The following PRCD variants were observed in gnomAD, a reference collection of about 807,000 sequenced individuals.
PRCD encodes the protein photoreceptor disc component.
Under a neutral mutation model 10.1 loss-of-function variants are expected in PRCD, and 12 were observed. That is an observed-to-expected ratio of 1.18 (90% CI 0.76 to 1.92). The LOEUF is 1.92. Ranked by LOEUF, PRCD falls within the 40% of genes most tolerant of loss-of-function variation. The probability of loss-of-function intolerance (pLI) is 0.00; values close to 1 mark genes in which losing one functional copy is unlikely to be tolerated. For synonymous variants in PRCD, 31 were observed against 26.2 expected (o/e 1.18, Z -0.56); for missense variants, 61 against 72.2 (o/e 0.84, Z 0.56).
intron 2 of PRCD, among the ~76,000 whole-genome samples, chr17:76,541,881 A>G (rs1199173440): frequency 2.6e-5 from 4 of 152,210 alleles, no homozygotes; most frequent in African/African-American, 7.2e-5. Flanking sequence ...ACTAGGATTA[A>G]TAACAGTGGT....
At position 76,544,670 on chromosome 17, in the gene PRCD, G is replaced by GT. The variant is rs757660722; in HGVS notation, c.*1021dup. The GT allele has an allele frequency of 2.2e-6, 1 of 456,774 alleles. No individual in the cohort carries two copies. Among genetic ancestry groups the GT allele is most frequent in the Non-Finnish European group, 4.4e-6 (1 of 226,978 alleles). 28.3% of individuals were successfully genotyped at this position (456,774 alleles called of 1,614,324 possible). A position where few individuals can be genotyped will look rare whatever the true frequency, so the allele number is the denominator to read the frequency against. On this transcript the variant is annotated 3_prime_UTR_variant, in exon 5 of 5. Coordinates refer to ENST00000592014, the MANE Select transcript of PRCD (RefSeq NM_001077620.3). ...CTCTTTGGAGGCATCGGCCTTCCTG[G>GT]TGACAGGCCTGTCAGGCTGAGGGCC... is the stretch of plus-strand genomic sequence containing the variant.
intron 2 of PRCD, among the ~76,000 whole-genome samples, chr17:76,541,380 C>T (rs1043718237): frequency 6.6e-6 from 1 of 152,166 alleles, no homozygotes; most frequent in Non-Finnish European, 1.5e-5. Context: ...TGGGTCAGGG[C>T]GCACTGGCAG....
downstream of PRCD, among the ~76,000 whole-genome samples, chr17:76,547,673 A>T (rs1461633232): frequency 6.6e-6 from 1 of 151,832 alleles, no homozygotes; most frequent in Non-Finnish European, 1.5e-5. Flanking sequence ...ATATTCACAC[A>T]CAGAGACACC....
At position 76,544,755 on chromosome 17, in the gene PRCD, TA is replaced by T. The variant is rs1211740754; in HGVS notation, c.*1106del. ...CCCGATCCTATCTGCATTTATTCTC[TA>T]TTTGCCATGTTCCTGTCACCTCATC... On this transcript the variant is annotated 3_prime_UTR_variant, in exon 5 of 5. Transcript: ENST00000592014. 1 of 456,792 alleles carries T rather than the reference TA, an allele frequency of 2.2e-6. No homozygotes were observed. Among genetic ancestry groups the T allele is most frequent in the South Asian group, 1.5e-5 (1 of 64,576 alleles). 28.3% of individuals were successfully genotyped at this position (456,792 alleles called of 1,614,324 possible). A position where few individuals can be genotyped will look rare whatever the true frequency, so the allele number is the denominator to read the frequency against.
chr17:76,529,049 C>A (rs1476420669), intron 1 of PRCD: 13 of 437,900 alleles, frequency 3.0e-5, no homozygotes, highest in African/African-American at 4.5e-5. Flanking sequence ...ATTGCGCCCC[C>A]CCCCCACCCC....
At chr17:76,535,152 C>T (rs1013426405), upstream of PRCD, among the ~76,000 whole-genome samples, 6 of 152,232 alleles carry the variant, frequency 3.9e-5, no homozygotes, top group Admixed American at 6.5e-5. Flanking sequence ...TCTAAAGCAA[C>T]GCCTCCTCCA....
rs1020225405 is a variant in PRCD, at chr17:76,531,998, C to A, written n.45+4165C>A. 1 of 286,134 alleles carries A rather than the reference C, an allele frequency of 3.5e-6. No individual in the cohort carries two copies. The highest frequency in any genetic ancestry group is 2.1e-5 in the African/African-American group (1 of 47,358). The allele number at this position is 286,134 out of a possible 1,614,324, so 17.7% of individuals were successfully genotyped here. A position where few individuals can be genotyped will look rare whatever the true frequency, so the allele number is the denominator to read the frequency against. On this transcript the variant is annotated intron_variant and non_coding_transcript_variant, in intron 1 of 4. Coordinates refer to the PRCD transcript ENST00000397633. The surrounding 1 kb of genome is among the most constrained non-coding windows in gnomAD (Gnocchi z 7.4). ...AACTCTACACCCCCTTCAAGCCCTG[C>A]TCTAGTCATAGCCGAGAGGGTAAGA...
In PRCD at chr17:76,540,091, G is replaced by C; in HGVS notation, c.-51G>C. On this transcript the variant is annotated 5_prime_UTR_variant, in exon 1 of 5. Coordinates refer to ENST00000592014, the MANE Select transcript of PRCD (RefSeq NM_001077620.3). The surrounding 1 kb of genome is among the most constrained non-coding windows in gnomAD (Gnocchi z 5.0). ...CTGGCTGGGGCCATTTTGGCCCCTC[G>C]CCTGTGGCCTTCTGCAGACTTGGCC... 4.5e-6 allele frequency: 7 copies of C among 1,561,166 alleles called. No individual in the cohort carries two copies. The highest frequency in any genetic ancestry group is 6.1e-6 in the Non-Finnish European group (7 of 1,150,058).
Position 76,545,348 on chromosome 17 carries a change from G to A in PRCD, c.*1698G>A, listed in dbSNP as rs1242067934. 1 of 456,718 alleles carries A rather than the reference G, an allele frequency of 2.2e-6. No individual in the cohort carries two copies. Among genetic ancestry groups the A allele is most frequent in the Non-Finnish European group, 4.4e-6 (1 of 226,974 alleles). The allele number at this position is 456,718 out of a possible 1,614,324, so 28.3% of individuals were successfully genotyped here. ...AGGGCAAGGGTGGACCTTTAAATGG[G>A]GGAATTAAATCCTGACTATGACACT... On this transcript the variant is annotated 3_prime_UTR_variant, in exon 5 of 5. Transcript: ENST00000592014.
At chr17:76,539,235 T>C (rs57881760), upstream of PRCD, among the ~76,000 whole-genome samples, 857 of 152,298 alleles carry the variant, frequency 5.6e-3, 9 homozygotes, top group African/African-American at 0.02. Flanking sequence ...CTTCTCAAAG[T>C]TGGTGTGACC....
rs1194923025 is a variant in PRCD, at chr17:76,528,711, T to A, written n.45+878T>A. 1 of 1,144,910 alleles carries A rather than the reference T, an allele frequency of 8.7e-7. No individual in the cohort carries two copies. Among genetic ancestry groups the A allele is most frequent in the Non-Finnish European group, 1.1e-6 (1 of 894,738 alleles). 70.9% of individuals were successfully genotyped at this position (1,144,910 alleles called of 1,614,324 possible). On this transcript the variant is annotated intron_variant and non_coding_transcript_variant, in intron 1 of 4. Transcript: ENST00000397633. This position sits in a 1 kb window ranked among gnomAD's most constrained non-coding sequence, Gnocchi z 5.8. Reference sequence around the variant, plus strand: ...CCTGGGGCTGGCGAGGCTCACTTCCTGCCAAGAGATCCGGCACAGTGCAGT... The same window carrying A: ...CCTGGGGCTGGCGAGGCTCACTTCCAGCCAAGAGATCCGGCACAGTGCAGT...
At chr17:76,535,976 C>T (rs1203276501), upstream of PRCD, among the ~76,000 whole-genome samples, 3 of 152,162 alleles carry the variant, frequency 2.0e-5, no homozygotes, top group Non-Finnish European at 4.4e-5. Flanking sequence ...TGCTGACACA[C>T]GGCTGACGGC....
intron 1 of PRCD, chr17:76,552,313 G>C (rs1426784151): frequency 1.3e-5 from 2 of 151,740 alleles, no homozygotes; most frequent in African/African-American, 4.8e-5. Flanking sequence ...TCCTGCCTCA[G>C]CCTCCTGAGT....
chr17:76,542,590 G>A lies in PRCD; in HGVS notation c.*16G>A, dbSNP rs765926174. On this transcript the variant is annotated 3_prime_UTR_variant, in exon 3 of 5. Transcript: ENST00000592014. ...TCTGAAGTAAGCCCTCACCTCTGCA[G>A]GTGGGGCTCAGGCCCAGAGACTGGG... 1.7e-5 allele frequency: 27 copies of A among 1,614,060 alleles called. No individual in the cohort carries two copies. The South Asian group carries it at 2.2e-4, about 13-fold the overall frequency.
Position 76,544,237 on chromosome 17 carries a change from C to T in PRCD, c.*587C>T, listed in dbSNP as rs764355852. Reference sequence around the variant, plus strand: ...CACGCGTCTCTCCTCCCCAGCCAGCCCCCCTCCCAGCCCAGCGGCGATGTC... The same window carrying T: ...CACGCGTCTCTCCTCCCCAGCCAGCTCCCCTCCCAGCCCAGCGGCGATGTC... On this transcript the variant is annotated 3_prime_UTR_variant, in exon 5 of 5. Coordinates refer to ENST00000592014, the MANE Select transcript of PRCD (RefSeq NM_001077620.3). 7 of 454,430 alleles carry T rather than the reference C, an allele frequency of 1.5e-5. No individual in the cohort carries two copies. The East Asian group carries it at 4.9e-4, about 32-fold the overall frequency. 28.1% of individuals were successfully genotyped at this position (454,430 alleles called of 1,614,324 possible). A position where few individuals can be genotyped will look rare whatever the true frequency, so the allele number is the denominator to read the frequency against.
chr17:76,527,777 C>G (rs755793489), upstream of PRCD: 7 of 453,932 alleles, frequency 1.5e-5, no homozygotes, highest in Non-Finnish European at 3.1e-5. Flanking sequence ...GCCCCTCCCC[C>G]AGTGCGGTCA....
intron 1 of PRCD, chr17:76,551,472 C>T (rs1014697681): frequency 6.6e-6 from 1 of 152,230 alleles, no homozygotes; most frequent in African/African-American, 2.4e-5. Flanking sequence ...TAATCCACAA[C>T]TCCAACGCCA....
Position 76,531,331 on chromosome 17 carries a change from T to C in PRCD, n.45+3498T>C, listed in dbSNP as rs1396984419. On this transcript the variant is annotated intron_variant and non_coding_transcript_variant, in intron 1 of 4. Transcript: ENST00000397633. The surrounding 1 kb of genome is among the most constrained non-coding windows in gnomAD (Gnocchi z 7.4). Reference sequence around the variant, plus strand: ...GCCCCTCCATCCTGCTGCCGGGCACTGCCCCTCCCTCTCGCAGCCACTCCG... The same window carrying C: ...GCCCCTCCATCCTGCTGCCGGGCACCGCCCCTCCCTCTCGCAGCCACTCCG... 2.1e-5 allele frequency: 27 copies of C among 1,276,138 alleles called. No homozygotes were observed. Among genetic ancestry groups the C allele is most frequent in the Non-Finnish European group, 2.9e-5 (27 of 924,028 alleles). 79.1% of individuals were successfully genotyped at this position (1,276,138 alleles called of 1,614,324 possible).
chr17:76,530,954 A>G lies in PRCD; in HGVS notation n.45+3121A>G, dbSNP rs1461491606. On this transcript the variant is annotated intron_variant and non_coding_transcript_variant, in intron 1 of 4. Transcript: ENST00000397633. This position sits in a 1 kb window ranked among gnomAD's most constrained non-coding sequence, Gnocchi z 6.1. ...AGAGGACATGGCGGGGAGGCTGCCC[A>G]GCCCACCCTCGCCCGCCTCCTCACG... 5.8e-6 allele frequency: 9 copies of G among 1,544,702 alleles called. No homozygotes were observed. The highest frequency in any genetic ancestry group is 7.0e-6 in the Non-Finnish European group (8 of 1,142,184).
Sources: allele counts gnomAD v4.1 joint callset (sites outside exome capture counted in the v4.1 genomes callset), GRCh38; gene constraint gnomAD v4.1.1; non-coding constraint Gnocchi (gnomAD v3.1); transcripts MANE v1.5; gene names NCBI Gene and HGNC (gene_info 2026-07-23, HGNC 2026-07-21).